NAPA: variants seen among roughly 807,000 people sequenced by gnomAD.
NAPA encodes the protein NSF attachment protein alpha.
In NAPA, 18 loss-of-function variants were observed where a neutral mutation model predicts 48.0. That is an observed-to-expected ratio of 0.38 (90% CI 0.26 to 0.56). The LOEUF (loss-of-function observed/expected upper bound fraction) is 0.56. Among genes scored for constraint, NAPA ranks in the 20% least tolerant of loss-of-function variants. The pLI is 0.77. For missense variants in NAPA, 315 were observed against 385.0 expected (o/e 0.82, Z 1.52); for synonymous variants, 152 against 149.9 (o/e 1.01, Z -0.10).
chr19:47,492,895 G>T, intron 7 of NAPA, 66 bp downstream of exon 7: 1 of 1,507,726 alleles, frequency 6.6e-7, no homozygotes, highest in Non-Finnish European at 9.2e-7. Context: ...AGGTGCCGGG[G>T]CTTAGGAGGA....
At chr19:47,500,889 C>G (rs773787326) in intron 2 of NAPA, 140 bp from the exon 3 acceptor site, 3 of 577,984 alleles carry the variant, frequency 5.2e-6, no homozygotes, top group Non-Finnish European at 8.7e-6. Flanking sequence ...GTGACCTGAG[C>G]GAGCCCAGAC....
At chr19:47,505,572 T>C (rs917242690) in intron 1 of NAPA, 4 of 151,884 alleles carry the variant, frequency 2.6e-5, no homozygotes, top group South Asian at 2.1e-4. Flanking sequence ...ACAATTGGGG[T>C]TTGGGGGGCC....
intron 1 of NAPA, among the ~76,000 whole-genome samples, chr19:47,509,878 C>G (rs1461055866): frequency 6.6e-5 from 10 of 152,234 alleles, no homozygotes; most frequent in Non-Finnish European, 1.3e-4. Flanking sequence ...CATTTCACCA[C>G]AGACCAAGGG....
chr19:47,509,822 T>G (rs901670595), intron 1 of NAPA, among the ~76,000 whole-genome samples: 3 of 152,194 alleles, frequency 2.0e-5, no homozygotes, highest in African/African-American at 4.8e-5. Flanking sequence ...GGCGCCCTGT[T>G]TCTTATTTTC....
chr19:47,488,512 A>T (rs1968142967), intron 10 of NAPA, 123 bp from the exon 11 acceptor site: 1 of 698,692 alleles, frequency 1.4e-6, no homozygotes, highest in Non-Finnish European at 2.4e-6. Context: ...GAGGAGGAGT[A>T]GAGGGAGGGC....
Position 47,492,550 on chromosome 19 carries a change from C to T in NAPA, c.561+411G>A, listed in dbSNP as rs532384524. 11 of 400,588 alleles carry T rather than the reference C, an allele frequency of 2.7e-5. 1 individual carries two copies. The highest frequency in any genetic ancestry group is 7.3e-5 in the Admixed American group (2 of 27,462). The allele number at this position is 400,588 out of a possible 1,614,324, so 24.8% of individuals were successfully genotyped here. On this transcript the variant is annotated intron_variant, in intron 7 of 10. Transcript: ENST00000263354. Reference sequence around the variant, plus strand: ...CGGCCATCACCCAGGGCTCCGTGCACGCTGGGGGGACCCCATGTGACACTC... The same window carrying T: ...CGGCCATCACCCAGGGCTCCGTGCATGCTGGGGGGACCCCATGTGACACTC...
chr19:47,493,842 A>G lies in NAPA; in HGVS notation c.343-349T>C, dbSNP rs543170784. Among the ~76,000 whole-genome samples, 1 of 152,136 alleles carries G rather than the reference A, an allele frequency of 6.6e-6. No homozygotes were observed. Among genetic ancestry groups the G allele is most frequent in the Non-Finnish European group, 1.5e-5 (1 of 68,006 alleles). On this transcript the variant is annotated intron_variant, in intron 4 of 10. Transcript: ENST00000263354. The surrounding 1 kb of genome is among the most constrained non-coding windows in gnomAD (Gnocchi z 6.4). ...GGCCCTGGCCCTTAGGAAGCCTCTGATAACAGCCAGAGAGGCGGAAGGACC... is the reference window on the plus strand; with the variant it reads ...GGCCCTGGCCCTTAGGAAGCCTCTGGTAACAGCCAGAGAGGCGGAAGGACC...
rs1052323825 is a variant in NAPA, at chr19:47,515,004, G to A, written c.-64C>T. ...ACCCTGGGAAGACTCAGCCGCGGCCGGGCCGCGGAACACAGATCGGTAAAA... is the reference window on the plus strand; with the variant it reads ...ACCCTGGGAAGACTCAGCCGCGGCCAGGCCGCGGAACACAGATCGGTAAAA... On this transcript the variant is annotated 5_prime_UTR_variant, in exon 1 of 11. Transcript: ENST00000263354. 7.2e-6 allele frequency: 11 copies of A among 1,518,680 alleles called. No individual in the cohort carries two copies. Among genetic ancestry groups the A allele is most frequent in the African/African-American group, 1.4e-5 (1 of 72,414 alleles). 94.1% of individuals were successfully genotyped at this position (1,518,680 alleles called of 1,614,324 possible). A position where few individuals can be genotyped will look rare whatever the true frequency, so the allele number is the denominator to read the frequency against.
At chr19:47,512,334 ACTC>A (rs1324404751) in intron 1 of NAPA, among the ~76,000 whole-genome samples, 1 of 151,580 alleles carries the variant, frequency 6.6e-6, no homozygotes, top group East Asian at 1.9e-4. Flanking sequence ...GGCCCAGCTC[ACTC>A]CTCACCAAGA....
In NAPA at chr19:47,495,813, CTG is replaced by C. The variant is rs1599901041; in HGVS notation, c.296-219_296-218del. On this transcript the variant is annotated intron_variant, in intron 3 of 10. Transcript: ENST00000263354. Reference sequence around the variant, plus strand: ...CTGGTGAGAGGGCTGACTCTGCAGACTGTGACTTGCTGGGCACATGCTTCTGG... The same window carrying C: ...CTGGTGAGAGGGCTGACTCTGCAGACTGACTTGCTGGGCACATGCTTCTGG... 2.4e-5 allele frequency: 14 copies of C among 574,546 alleles called. No individual in the cohort carries two copies. The East Asian group carries it at 3.9e-4, about 16-fold the overall frequency. 35.6% of individuals were successfully genotyped at this position (574,546 alleles called of 1,614,324 possible). A position where few individuals can be genotyped will look rare whatever the true frequency, so the allele number is the denominator to read the frequency against.
chr19:47,490,728 A>G (rs1202809520), intron 9 of NAPA, 60 bp downstream of exon 9: 14 of 1,465,946 alleles, frequency 9.6e-6, no homozygotes, highest in Admixed American at 1.8e-5. Context: ...TCCCACCTGG[A>G]GCCCCAGCCA....
intron 9 of NAPA, 139 bp from the exon 10 acceptor site, chr19:47,489,900 G>T: frequency 1.3e-6 from 1 of 791,788 alleles, no homozygotes; most frequent in South Asian, 1.5e-5. Flanking sequence ...CAATCCGTGT[G>T]GGTTAAACTG....
At chr19:47,510,301 C>T (rs919412390) in intron 1 of NAPA, among the ~76,000 whole-genome samples, 2 of 152,370 alleles carry the variant, frequency 1.3e-5, no homozygotes, top group Admixed American at 6.5e-5. Flanking sequence ...TTATTGCCTA[C>T]AGGTAGTTCA....
At chr19:47,508,191 A>C (rs1264332186) in intron 1 of NAPA, among the ~76,000 whole-genome samples, 1 of 152,368 alleles carries the variant, frequency 6.6e-6, no homozygotes, top group East Asian at 1.9e-4. Context: ...AACAGGCAGA[A>C]GGAACGTCAG....
intron 4 of NAPA, among the ~76,000 whole-genome samples, chr19:47,494,404 T>C (rs560326647): frequency 4.4e-4 from 67 of 152,082 alleles, no homozygotes; most frequent in African/African-American, 1.5e-3. Context: ...TGTCCCTGCC[T>C]GGGGTTGGAG....
chr19:47,495,399 A>G, intron 4 of NAPA, 151 bp downstream of exon 4: 2 of 837,136 alleles, frequency 2.4e-6, no homozygotes, highest in East Asian at 4.9e-5. Flanking sequence ...AGGCCAGCTC[A>G]GGTGACCTAA....
downstream of NAPA, among the ~76,000 whole-genome samples, chr19:47,485,115 G>A (rs1008267124): frequency 1.3e-5 from 2 of 152,148 alleles, no homozygotes; most frequent in Admixed American, 6.5e-5. Context: ...CCTACTTGGT[G>A]ACAGTCATGC....
intron 3 of NAPA, among the ~76,000 whole-genome samples, chr19:47,499,425 C>T (rs1968516162): frequency 6.6e-6 from 1 of 152,200 alleles, no homozygotes; most frequent in African/African-American, 2.4e-5. Flanking sequence ...CATGGAGACT[C>T]CATGTGGTGA....
At chr19:47,500,590 G>A (rs758207188) in intron 3 of NAPA, 43 bp downstream of exon 3, 2 of 1,520,092 alleles carry the variant, frequency 1.3e-6, no homozygotes, top group South Asian at 1.2e-5. Flanking sequence ...TGCTAGGATG[G>A]CGCTCCGGAC....
Sources: allele counts gnomAD v4.1 joint callset (sites outside exome capture counted in the v4.1 genomes callset), GRCh38; gene constraint gnomAD v4.1.1; non-coding constraint Gnocchi (gnomAD v3.1); transcripts MANE v1.5; gene names NCBI Gene and HGNC (gene_info 2026-07-23, HGNC 2026-07-21).